The following NCALD variants were observed in gnomAD, a reference collection of about 807,000 sequenced individuals.
NCALD encodes the protein neurocalcin delta.
In NCALD, 10 loss-of-function variants were observed where a neutral mutation model predicts 18.6. That is an observed-to-expected ratio of 0.54 (90% CI 0.33 to 0.91). NCALD has a LOEUF of 0.91. Among genes scored for constraint, NCALD ranks in the 40% least tolerant of loss-of-function variants. The pLI is 0.03. For missense variants in NCALD, 184 were observed against 247.6 expected (o/e 0.74, Z 1.72); for synonymous variants, 88 against 87.4 (o/e 1.01, Z -0.04).
intron 1 of NCALD, among the ~76,000 whole-genome samples, chr8:101,769,354 T>C (rs1342499208): frequency 6.6e-6 from 1 of 152,200 alleles, no homozygotes; most frequent in Non-Finnish European, 1.5e-5. Flanking sequence ...TCCTAGTATT[T>C]CAAACAGCTC....
chr8:101,715,706 CAT>C (rs1232324215), intron 2 of NCALD, among the ~76,000 whole-genome samples: 2 of 152,058 alleles, frequency 1.3e-5, no homozygotes, highest in African/African-American at 2.4e-5. Flanking sequence ...AAAAACAAAA[CAT>C]ATGAAAAAAA....
At chr8:101,912,297 A>C (rs1420498727) in intron 3 of NCALD, among the ~76,000 whole-genome samples, 1 of 150,806 alleles carries the variant, frequency 6.6e-6, no homozygotes, top group Non-Finnish European at 1.5e-5. Flanking sequence ...TTAAGTCATG[A>C]AAAGTTGAAA....
intron 1 of NCALD, among the ~76,000 whole-genome samples, chr8:102,021,929 G>A (rs566483036): frequency 1.8e-4 from 27 of 152,186 alleles, no homozygotes; most frequent in African/African-American, 3.6e-4. Flanking sequence ...AGACACAACC[G>A]GAAAAGCCAT....
At chr8:101,806,767 C>T (rs7011941) in intron 4 of NCALD, among the ~76,000 whole-genome samples, 95,028 of 151,796 alleles carry the variant, frequency 0.63, 32,209 homozygotes, top group Non-Finnish European at 0.75. Context: ...GCACACAATT[C>T]CCAATTTAAA....
chr8:102,121,180 A>G (rs1183457312), intron 1 of NCALD, among the ~76,000 whole-genome samples: 2 of 152,172 alleles, frequency 1.3e-5, no homozygotes, highest in African/African-American at 2.4e-5. Flanking sequence ...TATTTTAGAC[A>G]TGGTCCCTAT....
At chr8:102,095,416 G>A (rs569779333) in intron 1 of NCALD, among the ~76,000 whole-genome samples, 7 of 152,086 alleles carry the variant, frequency 4.6e-5, no homozygotes, top group Non-Finnish European at 7.4e-5. Flanking sequence ...TTTTCCAATT[G>A]CCCAAAATGA....
intron 3 of NCALD, among the ~76,000 whole-genome samples, chr8:101,895,526 G>A (rs1017456853): frequency 2.6e-5 from 4 of 150,978 alleles, no homozygotes; most frequent in African/African-American, 4.9e-5. Context: ...CAATTAGGCA[G>A]GAGAAGGAAA....
At chr8:101,739,640 C>T (rs1810098794) in intron 1 of NCALD, among the ~76,000 whole-genome samples, 1 of 143,568 alleles carries the variant, frequency 7.0e-6, no homozygotes, top group African/African-American at 2.9e-5. Flanking sequence ...CTGCTGGATG[C>T]TTACTGCCCT....
At chr8:101,707,416 A>G (rs954186661) in intron 2 of NCALD, among the ~76,000 whole-genome samples, 4 of 152,152 alleles carry the variant, frequency 2.6e-5, no homozygotes, top group African/African-American at 9.7e-5. Flanking sequence ...CTGTTTTTGC[A>G]TGGCTACCCC....
chr8:102,074,812 GT>G (rs1346547019), intron 1 of NCALD, among the ~76,000 whole-genome samples: 2 of 152,150 alleles, frequency 1.3e-5, no homozygotes, highest in South Asian at 2.1e-4. Flanking sequence ...TAGAACAGTG[GT>G]TTTTTAATCA....
chr8:101,858,300 T>C (rs987852993), intron 4 of NCALD, among the ~76,000 whole-genome samples: 2 of 152,136 alleles, frequency 1.3e-5, no homozygotes, highest in African/African-American at 2.4e-5. Flanking sequence ...TCTGCAGCGA[T>C]TGAAGTCAAT....
chr8:101,708,866 A>G (rs1815653101), intron 2 of NCALD, among the ~76,000 whole-genome samples: 1 of 152,164 alleles, frequency 6.6e-6, no homozygotes, highest in South Asian at 2.1e-4. Flanking sequence ...GGAGAAGTTG[A>G]GCTTGCTGCT....
chr8:102,098,289 A>G (rs2132402473), intron 1 of NCALD, among the ~76,000 whole-genome samples: 1 of 152,210 alleles, frequency 6.6e-6, no homozygotes, highest in East Asian at 1.9e-4. Context: ...GGAGGGTGGG[A>G]TGAGAGAGCA....
intron 4 of NCALD, among the ~76,000 whole-genome samples, chr8:101,866,918 TC>T (rs1316995522): frequency 6.6e-6 from 1 of 152,128 alleles, no homozygotes; most frequent in African/African-American, 2.4e-5. Context: ...TTTCAAGCAC[TC>T]CCATCCTACT....
intron 1 of NCALD, among the ~76,000 whole-genome samples, chr8:102,092,513 C>G (rs1824958349): frequency 6.6e-6 from 1 of 152,172 alleles, no homozygotes; most frequent in African/African-American, 2.4e-5. Flanking sequence ...TCAGTGGCTT[C>G]CCACTGCTAT....
chr8:101,791,480 A>G (rs1287399013), upstream of NCALD, among the ~76,000 whole-genome samples: 1 of 152,194 alleles, frequency 6.6e-6, no homozygotes, highest in Admixed American at 6.5e-5. Flanking sequence ...TTTAAAAACT[A>G]TATCAGAGTC....
At chr8:101,902,272 G>GT (rs71268535) in intron 3 of NCALD, among the ~76,000 whole-genome samples, 18 of 112,112 alleles carry the variant, frequency 1.6e-4, no homozygotes, top group African/African-American at 7.4e-4. Flanking sequence ...CATCCACTGA[G>GT]TTTTTTTTTT....
chr8:101,849,454 T>C (rs1177251382), intron 4 of NCALD, among the ~76,000 whole-genome samples: 13 of 152,152 alleles, frequency 8.5e-5, no homozygotes, highest in African/African-American at 3.1e-4. Flanking sequence ...AAATTACATG[T>C]TGATTCATAG....
At chr8:101,789,323 A>G (rs1230176244) in intron 1 of NCALD, among the ~76,000 whole-genome samples, 1 of 152,166 alleles carries the variant, frequency 6.6e-6, no homozygotes, top group African/African-American at 2.4e-5. Flanking sequence ...AAGTGATGAG[A>G]TTATGTCTCA....
Sources: gnomAD v4.1 joint callset for allele counts (sites outside exome capture counted in the v4.1 genomes callset) on GRCh38, gnomAD v4.1.1 for gene constraint, MANE v1.5 for transcripts, NCBI Gene and HGNC (gene_info 2026-07-23, HGNC 2026-07-21) for gene names.